The following EPM2A variants were observed in gnomAD, a reference collection of about 807,000 sequenced individuals.
EPM2A encodes the protein EPM2A glucan phosphatase, laforin, also known as laforin.
Under a neutral mutation model 26.5 loss-of-function variants are expected in EPM2A, and 21 were observed. The observed-to-expected ratio is 0.79, with a 90% CI of 0.56 to 1.14. The LOEUF (loss-of-function observed/expected upper bound fraction) is 1.14. EPM2A is among the 50% of genes most tolerant of loss of function. The pLI, the probability that EPM2A is intolerant of heterozygous loss-of-function variation, is 0.00. For synonymous variants in EPM2A, 217 were observed against 177.6 expected (o/e 1.22, Z -1.76); for missense variants, 458 against 440.8 (o/e 1.04, Z -0.35).
chr6:145,666,604 A>G (rs1174412007), intron 2 of EPM2A, among the ~76,000 whole-genome samples: 95 of 79,580 alleles, frequency 1.2e-3, no homozygotes, highest in African/African-American at 5.3e-3. Context: ...TAATTTACAG[A>G]TTCAATGCCA....
chr6:145,491,764 C>T, intron 4 of EPM2A: 1 of 531,536 alleles, frequency 1.9e-6, no homozygotes, highest in Admixed American at 2.0e-5. Flanking sequence ...AGCATTTGTA[C>T]AACTCTGCTG....
intron 1 of EPM2A, among the ~76,000 whole-genome samples, chr6:145,708,256 C>G (rs771039082): frequency 1.3e-5 from 2 of 152,188 alleles, no homozygotes; most frequent in Non-Finnish European, 2.9e-5. Context: ...GGGAAAAAAT[C>G]CAGCTGGCTA....
intron 1 of EPM2A, among the ~76,000 whole-genome samples, chr6:145,716,436 A>G: frequency 6.6e-6 from 1 of 152,198 alleles, no homozygotes; most frequent in East Asian, 1.9e-4. Flanking sequence ...TGTGGCCTAG[A>G]AAATTTACTA....
intron 2 of EPM2A, among the ~76,000 whole-genome samples, chr6:145,671,899 T>C (rs1427053279): frequency 6.6e-6 from 1 of 152,320 alleles, no homozygotes; most frequent in South Asian, 2.1e-4. Flanking sequence ...GTGATGTTCA[T>C]AAAATCTAAT....
chr6:145,421,911 C>G (rs933677182), intron 4 of EPM2A, among the ~76,000 whole-genome samples: 90 of 150,400 alleles, frequency 6.0e-4, no homozygotes, highest in Non-Finnish European at 8.7e-4. Context: ...AGATACTAAA[C>G]TATGATTTTT....
intron 4 of EPM2A, chr6:145,384,100 G>A (rs1210788936): frequency 4.0e-5 from 6 of 149,518 alleles, no homozygotes; most frequent in Admixed American, 2.0e-4. Flanking sequence ...TATCTGGCCT[G>A]AAAAAAAAAA....
chr6:145,413,654 CA>C (rs1335816666), intron 4 of EPM2A, among the ~76,000 whole-genome samples: 1 of 152,130 alleles, frequency 6.6e-6, no homozygotes, highest in East Asian at 1.9e-4. Context: ...AGATAAAATT[CA>C]GTGAGTTTTG....
chr6:145,718,396 T>C (rs1775761484), intron 1 of EPM2A, among the ~76,000 whole-genome samples: 2 of 150,458 alleles, frequency 1.3e-5, no homozygotes, highest in South Asian at 4.2e-4. Flanking sequence ...TAAATGGTGC[T>C]GGGAAAACTG....
At chr6:145,714,271 T>C (rs1583108110) in intron 1 of EPM2A, among the ~76,000 whole-genome samples, 1 of 152,330 alleles carries the variant, frequency 6.6e-6, no homozygotes, top group African/African-American at 2.4e-5. Context: ...TAAAATGGCA[T>C]AGTATTTGCA....
intron 2 of EPM2A, among the ~76,000 whole-genome samples, chr6:145,672,476 C>T (rs1052244571): frequency 4.6e-5 from 7 of 152,188 alleles, no homozygotes; most frequent in East Asian, 1.9e-4. Context: ...AATGATACTA[C>T]GGAATCTCCA....
intron 4 of EPM2A, chr6:145,489,921 C>G (rs1166718747): frequency 1.5e-6 from 2 of 1,354,416 alleles, no homozygotes; most frequent in African/African-American, 2.9e-5. Context: ...GAATTCGACC[C>G]ACTTCTAGAT....
At chr6:145,500,874 C>G (rs896303814), downstream of EPM2A, among the ~76,000 whole-genome samples, 22 of 152,026 alleles carry the variant, frequency 1.4e-4, no homozygotes, top group Non-Finnish European at 4.4e-5. Flanking sequence ...AGCAAATGTC[C>G]TCAGGTTTGG....
chr6:145,407,146 G>A lies in EPM2A; in HGVS notation c.556-23049C>T, dbSNP rs117831834. 3.1e-3 allele frequency among the ~76,000 whole-genome samples: 468 copies of A among 152,064 alleles called. 9 individuals carry two copies. The East Asian group carries it at 0.054, about 17-fold the overall frequency. ...AGTAAAGTTTTCCAAATTTGAAAAAGAAAAGCCACTGTGATTGGTACAGAT... is the reference window on the plus strand; with the variant it reads ...AGTAAAGTTTTCCAAATTTGAAAAAAAAAAGCCACTGTGATTGGTACAGAT... On this transcript the variant is annotated intron_variant, in intron 4 of 4. Coordinates refer to the EPM2A transcript ENST00000638717.
intron 2 of EPM2A, among the ~76,000 whole-genome samples, chr6:145,663,376 C>T (rs903980594): frequency 1.3e-5 from 2 of 152,198 alleles, no homozygotes; most frequent in African/African-American, 2.4e-5. Flanking sequence ...GAGTGCCAGA[C>T]AGTGGGCACA....
At chr6:145,543,171 C>T (rs765937645) in intron 2 of EPM2A, among the ~76,000 whole-genome samples, 153 of 151,978 alleles carry the variant, frequency 1.0e-3, no homozygotes, top group Non-Finnish European at 1.7e-3. Context: ...AGCAATATGG[C>T]CTTAAAAAAG....
At chr6:145,615,313 T>C (rs1483985239) in intron 2 of EPM2A, among the ~76,000 whole-genome samples, 2 of 152,168 alleles carry the variant, frequency 1.3e-5, no homozygotes, top group East Asian at 3.9e-4. Context: ...AACCCTCTTC[T>C]CTTGTCTGCT....
chr6:145,522,466 T>C (rs1049401015), intron 2 of EPM2A, among the ~76,000 whole-genome samples: 7 of 152,140 alleles, frequency 4.6e-5, no homozygotes, highest in Admixed American at 1.3e-4. Context: ...CTGGACTTAC[T>C]AGACTCTTCT....
At chr6:145,398,383 CTCT>C (rs1181726715) in intron 4 of EPM2A, among the ~76,000 whole-genome samples, 1 of 139,490 alleles carries the variant, frequency 7.2e-6, no homozygotes, top group African/African-American at 2.5e-5. Flanking sequence ...GAATGTTTGT[CTCT>C]TTTTTTTTCT....
intron 2 of EPM2A, among the ~76,000 whole-genome samples, chr6:145,651,920 A>G (rs1442623277): frequency 6.6e-6 from 1 of 152,084 alleles, no homozygotes; most frequent in Non-Finnish European, 1.5e-5. Context: ...TGAAAATTCT[A>G]TCCGCCCTCT....
Sources: allele counts gnomAD v4.1 joint callset (sites outside exome capture counted in the v4.1 genomes callset), GRCh38; gene constraint gnomAD v4.1.1; transcripts MANE v1.5; gene names NCBI Gene and HGNC (gene_info 2026-07-23, HGNC 2026-07-21).